Variants in CELF4 observed in about 807,000 individuals in gnomAD.
The protein encoded by CELF4 is CUGBP Elav-like family member 4, also known as CUG-BP- and ETR-3-like factor 4.
Under a neutral mutation model 59.9 loss-of-function variants are expected in CELF4, and 18 were observed. The observed-to-expected ratio is 0.30, with a 90% CI of 0.21 to 0.45. CELF4 has a LOEUF of 0.45. CELF4 is among the 20% of genes least tolerant of loss of function. CELF4 has a pLI of 1.00. For missense variants in CELF4, 456 were observed against 689.0 expected (o/e 0.66, Z 3.79); for synonymous variants, 261 against 267.1 (o/e 0.98, Z 0.22).
At chr18:37,376,759 G>C (rs1407042109) in intron 2 of CELF4, among the ~76,000 whole-genome samples, 1 of 152,208 alleles carries the variant, frequency 6.6e-6, no homozygotes, top group Non-Finnish European at 1.5e-5. Context: ...TGCAAGGGAG[G>C]GTAGGTCCTG....
intron 2 of CELF4, among the ~76,000 whole-genome samples, chr18:37,423,937 CT>C (rs1270370943): frequency 1.3e-5 from 2 of 152,034 alleles, no homozygotes; most frequent in Non-Finnish European, 2.9e-5. Flanking sequence ...TTCCTCATCT[CT>C]GAGTTTCTTC....
At chr18:37,440,929 AG>A (rs1377592609) in intron 2 of CELF4, among the ~76,000 whole-genome samples, 2 of 152,188 alleles carry the variant, frequency 1.3e-5, no homozygotes, top group Non-Finnish European at 2.9e-5. Flanking sequence ...GCTTGTTTAA[AG>A]GATTGGATGG....
At chr18:37,400,674 C>T (rs1193878074) in intron 2 of CELF4, among the ~76,000 whole-genome samples, 1 of 152,234 alleles carries the variant, frequency 6.6e-6, no homozygotes. Flanking sequence ...GTGTTCTCAA[C>T]CCAGCCTGCC....
intron 10 of CELF4, among the ~76,000 whole-genome samples, chr18:37,261,560 G>A (rs2074504039): frequency 6.6e-6 from 1 of 152,192 alleles, no homozygotes; most frequent in African/African-American, 2.4e-5. Flanking sequence ...TCCAGCTACC[G>A]CCAAGCCCTT....
chr18:37,292,412 G>A (rs1435426573), intron 3 of CELF4, among the ~76,000 whole-genome samples: 2 of 152,182 alleles, frequency 1.3e-5, no homozygotes, highest in Non-Finnish European at 2.9e-5. Context: ...AGATGGCTCA[G>A]GGCAAGGAGA....
chr18:37,342,965 T>C (rs943970160), intron 2 of CELF4, among the ~76,000 whole-genome samples: 4 of 152,168 alleles, frequency 2.6e-5, no homozygotes, highest in Non-Finnish European at 4.4e-5. Flanking sequence ...CACTGGGAGT[T>C]GCCCACTGAG....
At chr18:37,525,718 C>A (rs2099963135) in intron 1 of CELF4, among the ~76,000 whole-genome samples, 1 of 152,040 alleles carries the variant, frequency 6.6e-6, no homozygotes, top group South Asian at 2.1e-4. Flanking sequence ...GATTCATGAA[C>A]ATTTACATTG....
At chr18:37,333,736 CCA>C (rs1236233123) in intron 2 of CELF4, among the ~76,000 whole-genome samples, 27 of 148,334 alleles carry the variant, frequency 1.8e-4, no homozygotes. Flanking sequence ...ATCCATCCAT[CCA>C]TCCATCCATC....
At chr18:37,417,442 T>C (rs2099538212) in intron 2 of CELF4, among the ~76,000 whole-genome samples, 1 of 152,188 alleles carries the variant, frequency 6.6e-6, no homozygotes, top group Admixed American at 6.5e-5. Flanking sequence ...AAGTCTCCCT[T>C]TCCCTATGTT....
chr18:37,376,566 T>C (rs1413315407), intron 2 of CELF4, among the ~76,000 whole-genome samples: 2 of 152,172 alleles, frequency 1.3e-5, no homozygotes, highest in African/African-American at 4.8e-5. Context: ...GCTGGGGGCT[T>C]GAGAGAACCC....
chr18:37,436,286 C>A (rs535411207), intron 2 of CELF4, among the ~76,000 whole-genome samples: 1 of 152,306 alleles, frequency 6.6e-6, no homozygotes, highest in East Asian at 1.9e-4. Flanking sequence ...GTTCGAGATG[C>A]CCTCAAATGC....
intron 1 of CELF4, among the ~76,000 whole-genome samples, chr18:37,520,535 G>T (rs1193470742): frequency 6.7e-6 from 1 of 150,364 alleles, no homozygotes; most frequent in Non-Finnish European, 1.5e-5. Context: ...GTTGCTCTCT[G>T]GAAAAAAGGT....
At chr18:37,325,608 C>A in intron 2 of CELF4, among the ~76,000 whole-genome samples, 1 of 152,188 alleles carries the variant, frequency 6.6e-6, no homozygotes, top group East Asian at 1.9e-4. Flanking sequence ...AGACCTCCTC[C>A]ATGGCGTGCT....
intron 3 of CELF4, among the ~76,000 whole-genome samples, chr18:37,303,227 A>G (rs1347800991): frequency 1.3e-5 from 2 of 152,090 alleles, no homozygotes; most frequent in African/African-American, 4.8e-5. Context: ...ACAGGCATTG[A>G]GGGCTAAGGG....
chr18:37,362,338 G>T (rs957711710), intron 2 of CELF4, among the ~76,000 whole-genome samples: 1 of 152,206 alleles, frequency 6.6e-6, no homozygotes, highest in South Asian at 2.1e-4. Context: ...CAGGGTTGCG[G>T]ACGCATCACT....
chr18:37,407,951 C>T (rs543931386), intron 2 of CELF4, among the ~76,000 whole-genome samples: 2 of 152,066 alleles, frequency 1.3e-5, no homozygotes, highest in Non-Finnish European at 2.9e-5. Flanking sequence ...AATATTTTTA[C>T]ATTGATTTTG....
At position 37,244,507 on chromosome 18, in the gene CELF4, C is replaced by G. The variant is rs892746921; in HGVS notation, c.*735G>C. 1 of 152,426 alleles carries G rather than the reference C, an allele frequency of 6.6e-6. No homozygotes were observed. The highest frequency in any genetic ancestry group is 2.4e-5 in the African/African-American group (1 of 41,408). 9.4% of individuals were successfully genotyped at this position (152,426 alleles called of 1,614,324 possible). On this transcript the variant is annotated 3_prime_UTR_variant, in exon 13 of 13. Coordinates refer to ENST00000420428, the MANE Select transcript of CELF4 (RefSeq NM_020180.4). Reference sequence around the variant, plus strand: ...GTCATCAAAGCGCCTCTCAAAGTATCAAAGAACTATTATCTTGCTGTTTTA... The same window carrying G: ...GTCATCAAAGCGCCTCTCAAAGTATGAAAGAACTATTATCTTGCTGTTTTA...
intron 1 of CELF4, among the ~76,000 whole-genome samples, chr18:37,538,773 A>G (rs1200691714): frequency 6.6e-6 from 1 of 152,188 alleles, no homozygotes; most frequent in Admixed American, 6.5e-5. Flanking sequence ...ATTGTGGAGC[A>G]GTTACTTACG....
At chr18:37,477,433 A>G (rs2099853126) in intron 2 of CELF4, among the ~76,000 whole-genome samples, 1 of 152,246 alleles carries the variant, frequency 6.6e-6, no homozygotes, top group African/African-American at 2.4e-5. Context: ...GTTTGTGGCC[A>G]GGATGGTGTC....
Sources: allele counts gnomAD v4.1 joint callset (sites outside exome capture counted in the v4.1 genomes callset), GRCh38; gene constraint gnomAD v4.1.1; transcripts MANE v1.5; gene names NCBI Gene and HGNC (gene_info 2026-07-23, HGNC 2026-07-21).